The following ASAP2 variants were observed in gnomAD, a reference collection of about 807,000 sequenced individuals.
The protein encoded by ASAP2 is ArfGAP with SH3 domain, ankyrin repeat and PH domain 2.
Under a neutral mutation model 131.4 loss-of-function variants are expected in ASAP2, and 45 were observed. The observed-to-expected ratio is 0.34, with a 90% CI of 0.27 to 0.44. ASAP2 has a LOEUF of 0.44. ASAP2 is among the 20% of genes least tolerant of loss of function. The pLI is 1.00. For synonymous variants in ASAP2, 510 were observed against 503.0 expected (o/e 1.01, Z -0.19); for missense variants, 1,011 against 1,297.0 (o/e 0.78, Z 3.39).
intron 3 of ASAP2, among the ~76,000 whole-genome samples, chr2:9,307,837 T>C (rs1669045452): frequency 6.6e-6 from 1 of 152,230 alleles, no homozygotes; most frequent in Non-Finnish European, 1.5e-5. Flanking sequence ...CTCCCCCTTC[T>C]CCTTTTTAAT....
intron 16 of ASAP2, among the ~76,000 whole-genome samples, chr2:9,372,035 G>A (rs1385044995): frequency 6.6e-6 from 1 of 152,184 alleles, no homozygotes; most frequent in East Asian, 1.9e-4. Context: ...GTTTGTGTAG[G>A]AGCTGCCTTC....
chr2:9,210,067 C>T (rs972951344), intron 1 of ASAP2, among the ~76,000 whole-genome samples: 1 of 152,214 alleles, frequency 6.6e-6, no homozygotes, highest in African/African-American at 2.4e-5. Context: ...CTTATCTCTG[C>T]TTTATAGGCG....
chr2:9,297,899 G>C (rs1433838383), intron 3 of ASAP2, among the ~76,000 whole-genome samples: 1 of 150,888 alleles, frequency 6.6e-6, no homozygotes, highest in Non-Finnish European at 1.5e-5. Flanking sequence ...GTGCTCCCAA[G>C]TGTAGAACCT....
intron 1 of ASAP2, among the ~76,000 whole-genome samples, chr2:9,220,366 C>T (rs1662331023): frequency 6.6e-6 from 1 of 152,236 alleles, no homozygotes; most frequent in East Asian, 1.9e-4. Flanking sequence ...GTTCTGATTT[C>T]TCCACATCCT....
chr2:9,255,479 G>A (rs952066027), intron 1 of ASAP2, among the ~76,000 whole-genome samples: 2 of 152,230 alleles, frequency 1.3e-5, no homozygotes, highest in Non-Finnish European at 2.9e-5. Context: ...ATTTTAAAAA[G>A]ATGGCCTCAT....
chr2:9,367,011 C>T (rs1673523153), intron 15 of ASAP2, among the ~76,000 whole-genome samples: 1 of 150,476 alleles, frequency 6.6e-6, no homozygotes, highest in South Asian at 2.1e-4. Context: ...TGTTTGTTAA[C>T]TCCTTTGCCT....
chr2:9,207,224 C>T lies in ASAP2; in HGVS notation c.120C>T (p.Ile40=), dbSNP rs768309685. The change falls in exon 1 of 28, where the codon ATC becomes ATT. Residue 40 remains isoleucine (I), a synonymous_variant. Transcript: ENST00000281419. The surrounding 1 kb of genome is among the most constrained non-coding windows in gnomAD (Gnocchi z 4.1). ...TAQCRNTVAA[I]EEALDVDRMV... is the part of the protein sequence containing the mutation. Reference sequence around the variant, plus strand: ...AGTGCCGGAACACTGTGGCGGCCATCGAGGAGGTGAGGCGGCCTGCGCGGC... The same window carrying T: ...AGTGCCGGAACACTGTGGCGGCCATTGAGGAGGTGAGGCGGCCTGCGCGGC... 13 of 1,588,698 alleles carry T rather than the reference C, an allele frequency of 8.2e-6. No homozygotes were observed. The highest frequency in any genetic ancestry group is 1.0e-5 in the Non-Finnish European group (12 of 1,170,034).
At chr2:9,355,121 A>G (rs1355707027) in intron 12 of ASAP2, among the ~76,000 whole-genome samples, 2 of 152,220 alleles carry the variant, frequency 1.3e-5, no homozygotes, top group African/African-American at 4.8e-5. Context: ...ATATTTATGT[A>G]GTTATCAAAA....
intron 9 of ASAP2, among the ~76,000 whole-genome samples, chr2:9,338,712 G>A (rs1017449908): frequency 3.3e-5 from 5 of 152,064 alleles, no homozygotes; most frequent in Non-Finnish European, 7.4e-5. Context: ...ATCTCTTCAG[G>A]GGATCATGCT....
rs370434002 is a variant in ASAP2, at chr2:9,356,365, C to T, written c.1327+20C>T. On this transcript the variant is annotated intron_variant, in intron 14 of 27. Coordinates refer to ENST00000281419, the MANE Select transcript of ASAP2 (RefSeq NM_003887.3). ...CGCCAGGTGACCCAGGGACCCCACC[C>T]GACCCTGGGCTCTAGGACATTTCAA... is the stretch of plus-strand genomic sequence containing the variant. 20 of 1,554,556 alleles carry T rather than the reference C, an allele frequency of 1.3e-5. No individual in the cohort carries two copies. The South Asian group carries it at 1.8e-4, about 14-fold the overall frequency.
intron 1 of ASAP2, among the ~76,000 whole-genome samples, chr2:9,263,920 C>T (rs1877098): frequency 6.6e-6 from 1 of 151,872 alleles, no homozygotes; most frequent in Non-Finnish European, 1.5e-5. Flanking sequence ...GGCCAGGTGC[C>T]GTGTCTCACA....
At position 9,206,990 on chromosome 2, in the gene ASAP2, C is replaced by G. The variant is rs1661150203; in HGVS notation, c.-115C>G. 1 of 994,220 alleles carries G rather than the reference C, an allele frequency of 1.0e-6. No homozygotes were observed. The highest frequency in any genetic ancestry group is 1.2e-6 in the Non-Finnish European group (1 of 828,568). The allele number at this position is 994,220 out of a possible 1,614,324, so 61.6% of individuals were successfully genotyped here. The stretch of plus-strand genomic sequence containing the variant: ...CCCGCGCCCGGCGCTCCCCTTTGTC[C>G]GCGGGCCGGAGCGGCGGCGGCAGCG... On this transcript the variant is annotated 5_prime_UTR_variant, in exon 1 of 28. Coordinates refer to ENST00000281419, the MANE Select transcript of ASAP2 (RefSeq NM_003887.3). This position sits in a 1 kb window ranked among gnomAD's most constrained non-coding sequence, Gnocchi z 4.0.
chr2:9,287,573 G>A (rs1433065967), intron 2 of ASAP2, among the ~76,000 whole-genome samples: 1 of 152,202 alleles, frequency 6.6e-6, no homozygotes, highest in Non-Finnish European at 1.5e-5. Flanking sequence ...CTCTAGAGGA[G>A]GCTTTCACAA....
At chr2:9,319,873 A>G (rs1167437988) in intron 4 of ASAP2, among the ~76,000 whole-genome samples, 1 of 152,218 alleles carries the variant, frequency 6.6e-6, no homozygotes, top group Non-Finnish European at 1.5e-5. Context: ...GGCTTAAAGC[A>G]GGGTTAGATG....
rs948396117 is a variant in ASAP2, at chr2:9,217,690, C to T, written c.126+10460C>T. ...AGTGCGGTGGCACAATCTCGGCTCACTGCAAGCTCCGCCTCCTGGGTTCAC... is the reference window on the plus strand; with the variant it reads ...AGTGCGGTGGCACAATCTCGGCTCATTGCAAGCTCCGCCTCCTGGGTTCAC... On this transcript the variant is annotated intron_variant, in intron 1 of 27. Transcript: ENST00000281419. The surrounding 1 kb of genome is among the most constrained non-coding windows in gnomAD (Gnocchi z 4.0). Among the ~76,000 whole-genome samples the T allele has an allele frequency of 4.9e-4, 74 of 151,936 alleles. No individual in the cohort carries two copies. The highest frequency in any genetic ancestry group is 1.2e-3 in the Admixed American group (18 of 15,280).
chr2:9,315,228 A>G (rs1240477612), intron 3 of ASAP2, among the ~76,000 whole-genome samples: 1 of 152,226 alleles, frequency 6.6e-6, no homozygotes, highest in East Asian at 1.9e-4. Context: ...TATTAGGGAC[A>G]CAACCCCAGA....
chr2:9,334,915 C>T (rs1040381635), intron 8 of ASAP2, 102 bp downstream of exon 8: 23 of 1,430,568 alleles, frequency 1.6e-5, no homozygotes, highest in Non-Finnish European at 1.8e-5. Context: ...CATGCCGTGC[C>T]GCCCACGTGG....
At chr2:9,241,562 C>T (rs912103649) in intron 1 of ASAP2, among the ~76,000 whole-genome samples, 15 of 152,126 alleles carry the variant, frequency 9.9e-5, no homozygotes, top group African/African-American at 2.4e-4. Context: ...GGAAACATGG[C>T]GAAACCCCAT....
chr2:9,226,391 A>T (rs1040067543), intron 1 of ASAP2, among the ~76,000 whole-genome samples: 20 of 152,226 alleles, frequency 1.3e-4, no homozygotes, highest in African/African-American at 2.4e-5. Flanking sequence ...CCCTGAGGCC[A>T]TGCAGAACTC....
Sources: gnomAD v4.1 joint callset for allele counts (sites outside exome capture counted in the v4.1 genomes callset) on GRCh38, gnomAD v4.1.1 for gene constraint, Gnocchi (gnomAD v3.1) non-coding constraint, MANE v1.5 for transcripts, NCBI Gene and HGNC (gene_info 2026-07-23, HGNC 2026-07-21) for gene names.